The following H4C11 variants were observed in gnomAD, a reference collection of about 807,000 sequenced individuals.
H4C11 encodes the protein H4 clustered histone 11.
A neutral mutation model predicts 4.2 loss-of-function variants in H4C11; 1 was observed. The ratio of observed to expected loss-of-function variants is 0.24; its 90% CI spans 0.09 to 1.14. The LOEUF is 1.14. H4C11 is among the 50% of genes most tolerant of loss of function. The pLI, the probability that H4C11 is intolerant of heterozygous loss-of-function variation, is 0.52. For missense variants in H4C11, 73 were observed against 157.7 expected (o/e 0.46, Z 2.88); for synonymous variants, 95 against 66.9 (o/e 1.42, Z -2.05).
rs182475965 is a variant in H4C11 at position 27,824,217 on chromosome 6, C to T, written c.93C>T (p.Thr31=). The change falls in exon 1 of 1, where the codon ACC becomes ACT. Residue 31 remains threonine, a synonymous_variant. Transcript: ENST00000355057. ...KVLRDNIQGI[T]KPAIRRLARR... ...TGCGCGACAATATCCAGGGCATCAC[C>T]AAGCCGGCCATCCGGCGCCTTGCTC... The T allele has an allele frequency of 1.3e-6, 2 of 1,560,786 alleles. No individual in the cohort carries two copies. The highest frequency in any genetic ancestry group is 4.5e-5 in the East Asian group (2 of 44,292).
In H4C11 at chr6:27,824,136, CGGCAAAGGCGGGAAGGGTCTT is replaced by C; in HGVS notation, c.24_44del (p.Lys9_Gly15del). 2.6e-6 allele frequency: 4 copies of C among 1,538,436 alleles called. No individual in the cohort carries two copies. The highest frequency in any genetic ancestry group is 1.8e-6 in the Non-Finnish European group (2 of 1,142,466). On this transcript the variant is annotated inframe_deletion, in exon 1 of 1. Transcript: ENST00000355057. Reference sequence around the variant, plus strand: ...TCCTCTTGCTCGTCATGTCTGGCCGCGGCAAAGGCGGGAAGGGTCTTGGCAAAGGCGGCGCTAAGCGCCACC... The same window carrying C: ...TCCTCTTGCTCGTCATGTCTGGCCGCGGCAAAGGCGGCGCTAAGCGCCACC...
chr6:27,824,295 G>A lies in H4C11; in HGVS notation c.171G>A (p.Gly57=), dbSNP rs780788014. ...ISGLIYEETR[G]VLKVFLENVI... is the part of the protein sequence containing the mutation. Reference sequence around the variant, plus strand: ...GCCTCATCTACGAGGAGACTCGCGGGGTGCTGAAGGTGTTCCTGGAGAACG... The same window carrying A: ...GCCTCATCTACGAGGAGACTCGCGGAGTGCTGAAGGTGTTCCTGGAGAACG... Residue 57 remains glycine (G), a synonymous_variant, in exon 1 of 1, where the codon GGG becomes GGA. Coordinates refer to ENST00000355057, the MANE Select transcript of H4C11 (RefSeq NM_021968.4). 3 of 1,590,138 alleles carry A rather than the reference G, an allele frequency of 1.9e-6. No homozygotes were observed. The highest frequency in any genetic ancestry group is 1.8e-5 in the Admixed American group (1 of 56,076).
rs1378206046 is a variant in H4C11 at position 27,824,168 on chromosome 6, G to T, written c.44G>T (p.Gly15Val). Reference protein sequence around the residue: ...GKGGKGLGKGGAKRHRKVLRD... With the variant: ...GKGGKGLGKGVAKRHRKVLRD... The stretch of plus-strand genomic sequence containing the variant: ...GGCGGGAAGGGTCTTGGCAAAGGCG[G>T]CGCTAAGCGCCACCGTAAAGTACTG... The change falls in exon 1 of 1, where the codon GGC (glycine) becomes GTC (valine). Residue 15 changes from glycine to valine, a missense_variant. Around this residue, in one of 4 missense-constraint regions of H4C11, gnomAD observed 20 missense variants for 19.9 expected, o/e 1.00. Coordinates refer to ENST00000355057, the MANE Select transcript of H4C11 (RefSeq NM_021968.4). The T allele has an allele frequency of 3.3e-6, 5 of 1,520,276 alleles. No homozygotes were observed. The South Asian group carries it at 6.7e-5, about 20-fold the overall frequency. The allele number at this position is 1,520,276 out of a possible 1,614,324, so 94.2% of individuals were successfully genotyped here. A position where few individuals can be genotyped will look rare whatever the true frequency, so the allele number is the denominator to read the frequency against.
Position 27,824,392 on chromosome 6 carries a change from G to C in H4C11, c.268G>C (p.Ala90Pro). The part of the protein sequence containing the change: ...KTVTAMDVVY[A>P]LKRQGRTLYG... ...GGTCACCGCCATGGATGTGGTCTAC[G>C]CGCTCAAGCGCCAGGGCCGCACCCT... Residue 90 changes from alanine to proline, a missense_variant, in exon 1 of 1, where the codon GCG becomes CCG. Physicochemically the swap from Ala to Pro is conservative, Grantham distance 27. This residue lies in a region of H4C11 where 40 missense variants were observed against 78.3 expected (regional missense o/e 0.51). Transcript: ENST00000355057. The C allele has an allele frequency of 6.4e-7, 1 of 1,558,082 alleles. No individual in the cohort carries two copies. Among genetic ancestry groups the C allele is most frequent in the Non-Finnish European group, 8.6e-7 (1 of 1,159,668 alleles).
exon 1 of H4C11, chr6:27,824,472 GCCACCCTACTTT>G (rs1760804425): frequency 1.9e-6 from 3 of 1,599,642 alleles, no homozygotes; most frequent in African/African-American, 1.3e-5. Flanking sequence ...CCTTTTCAGG[GCCACCCTACTTT>G]CTCAGCTGAA....
rs200142548 is a variant in H4C11, at chr6:27,824,469, A to G, written c.*33A>G. The G allele has an allele frequency of 1.8e-4, 281 of 1,601,890 alleles. 1 individual carries two copies. The African/African-American group carries it at 3.5e-3, about 20-fold the overall frequency. On this transcript the variant is annotated 3_prime_UTR_variant, in exon 1 of 1. Transcript: ENST00000355057. ...TTTCTATCAATAAAAGGCCCTTTTC[A>G]GGGCCACCCTACTTTCTCAGCTGAA...
rs528923683 is a variant in H4C11 at position 27,824,166 on chromosome 6, C to T, written c.42C>T (p.Gly14=). ...RGKGGKGLGK[G]GAKRHRKVLR... ...AAGGCGGGAAGGGTCTTGGCAAAGG[C>T]GGCGCTAAGCGCCACCGTAAAGTAC... is the stretch of plus-strand genomic sequence containing the variant. The change falls in exon 1 of 1, where the codon GGC becomes GGT. Residue 14 remains glycine, a synonymous_variant. Coordinates refer to ENST00000355057, the MANE Select transcript of H4C11 (RefSeq NM_021968.4). 74 of 1,519,632 alleles carry T rather than the reference C, an allele frequency of 4.9e-5. No individual in the cohort carries two copies. The highest frequency in any genetic ancestry group is 4.5e-5 in the East Asian group (2 of 44,124). The allele number at this position is 1,519,632 out of a possible 1,614,324, so 94.1% of individuals were successfully genotyped here.
rs1760790804 is a variant in H4C11, at chr6:27,824,138, G to A, written c.14G>A (p.Gly5Asp). MSGR[G>D]KGGKGLGKGG... ...CTCTTGCTCGTCATGTCTGGCCGCG[G>A]CAAAGGCGGGAAGGGTCTTGGCAAA... Residue 5 changes from glycine (G) to aspartate (D), a missense_variant, in exon 1 of 1, where the codon GGC (glycine) becomes GAC (aspartate). By Grantham distance (94) the Gly-to-Asp change is moderately conservative (BLOSUM62 -1). This residue lies in a region of H4C11 where 20 missense variants were observed against 19.9 expected (regional missense o/e 1.00). Transcript: ENST00000355057. The A allele has an allele frequency of 1.3e-6, 2 of 1,537,530 alleles. No homozygotes were observed. The highest frequency in any genetic ancestry group is 1.8e-6 in the Non-Finnish European group (2 of 1,142,288).
chr6:27,824,281 G>C lies in H4C11; in HGVS notation c.157G>C (p.Glu53Gln). ...GVKRISGLIY[E>Q]ETRGVLKVFL... Reference sequence around the variant, plus strand: ...GAAGCGCATCTCCGGCCTCATCTACGAGGAGACTCGCGGGGTGCTGAAGGT... The same window carrying C: ...GAAGCGCATCTCCGGCCTCATCTACCAGGAGACTCGCGGGGTGCTGAAGGT... Residue 53 changes from glutamate (E) to glutamine (Q), a missense_variant, in exon 1 of 1, where the codon GAG (glutamate) becomes CAG (glutamine). Around this residue, in one of 4 missense-constraint regions of H4C11, gnomAD observed 40 missense variants for 78.3 expected, o/e 0.51. Transcript: ENST00000355057. The C allele has an allele frequency of 6.3e-7, 1 of 1,589,414 alleles. No homozygotes were observed. Among genetic ancestry groups the C allele is most frequent in the Non-Finnish European group, 8.6e-7 (1 of 1,166,602 alleles).
At position 27,824,133 on chromosome 6, in the gene H4C11, C is replaced by A. The variant is rs532924015; in HGVS notation, c.9C>A (p.Gly3=). The A allele has an allele frequency of 1.4e-5, 22 of 1,540,244 alleles. No homozygotes were observed. The highest frequency in any genetic ancestry group is 1.9e-5 in the Non-Finnish European group (22 of 1,143,164). The change falls in exon 1 of 1, where the codon GGC becomes GGA. Residue 3 remains glycine, a synonymous_variant. Coordinates refer to ENST00000355057, the MANE Select transcript of H4C11 (RefSeq NM_021968.4). The part of the protein sequence containing the change: MS[G]RGKGGKGLGK... ...GACTCCTCTTGCTCGTCATGTCTGG[C>A]CGCGGCAAAGGCGGGAAGGGTCTTG...
chr6:27,824,439 G>T lies in H4C11; in HGVS notation c.*3G>T. ...CCCTCTACGGTTTCGGTGGTTGAGC[G>T]TCCCTTTCTATCAATAAAAGGCCCT... is the stretch of plus-strand genomic sequence containing the variant. On this transcript the variant is annotated 3_prime_UTR_variant, in exon 1 of 1. Transcript: ENST00000355057. 6.2e-7 allele frequency: 1 copy of T among 1,606,442 alleles called. No homozygotes were observed. Among genetic ancestry groups the T allele is most frequent in the Non-Finnish European group, 8.5e-7 (1 of 1,177,392 alleles).
chr6:27,824,455 A>T lies in H4C11; in HGVS notation c.*19A>T. ...TGGTTGAGCGTCCCTTTCTATCAAT[A>T]AAAGGCCCTTTTCAGGGCCACCCTA... On this transcript the variant is annotated 3_prime_UTR_variant, in exon 1 of 1. Transcript: ENST00000355057. 1.2e-6 allele frequency: 2 copies of T among 1,607,830 alleles called. No homozygotes were observed. The highest frequency in any genetic ancestry group is 1.7e-6 in the Non-Finnish European group (2 of 1,177,638).
In H4C11 at chr6:27,824,124, C is replaced by G. The variant is rs766209909; in HGVS notation, c.-1C>G. The G allele has an allele frequency of 1.2e-5, 19 of 1,543,012 alleles. No individual in the cohort carries two copies. The highest frequency in any genetic ancestry group is 1.7e-5 in the Non-Finnish European group (19 of 1,143,788). On this transcript the variant is annotated 5_prime_UTR_variant, in exon 1 of 1. Transcript: ENST00000355057. The stretch of plus-strand genomic sequence containing the variant: ...GTTGGGTGAGACTCCTCTTGCTCGT[C>G]ATGTCTGGCCGCGGCAAAGGCGGGA...
Position 27,824,448 on chromosome 6 carries a change from T to A in H4C11, c.*12T>A. On this transcript the variant is annotated 3_prime_UTR_variant, in exon 1 of 1. Transcript: ENST00000355057. ...GTTTCGGTGGTTGAGCGTCCCTTTC[T>A]ATCAATAAAAGGCCCTTTTCAGGGC... The A allele has an allele frequency of 6.2e-7, 1 of 1,607,066 alleles. No homozygotes were observed. The highest frequency in any genetic ancestry group is 8.5e-7 in the Non-Finnish European group (1 of 1,177,440).
At position 27,824,288 on chromosome 6, in the gene H4C11, C is replaced by T. The variant is rs1241507086; in HGVS notation, c.164C>T (p.Thr55Ile). ...ATCTCCGGCCTCATCTACGAGGAGACTCGCGGGGTGCTGAAGGTGTTCCTG... is the reference window on the plus strand; with the variant it reads ...ATCTCCGGCCTCATCTACGAGGAGATTCGCGGGGTGCTGAAGGTGTTCCTG... ...KRISGLIYEETRGVLKVFLEN... is the reference protein window; with the variant it reads ...KRISGLIYEEIRGVLKVFLEN... Residue 55 changes from threonine (T) to isoleucine (I), a missense_variant, in exon 1 of 1, where the codon ACT becomes ATT. Physicochemically the swap from Thr to Ile is moderately conservative, Grantham distance 89 (BLOSUM62 -1). Transcript: ENST00000355057. 2.5e-6 allele frequency: 4 copies of T among 1,590,676 alleles called. No individual in the cohort carries two copies. The highest frequency in any genetic ancestry group is 3.4e-6 in the Non-Finnish European group (4 of 1,167,174).
Position 27,824,226 on chromosome 6 carries a change from C to A in H4C11, c.102C>A (p.Ala34=). The A allele has an allele frequency of 1.3e-6, 2 of 1,566,690 alleles. No individual in the cohort carries two copies. Among genetic ancestry groups the A allele is most frequent in the Non-Finnish European group, 1.7e-6 (2 of 1,156,270 alleles). The change falls in exon 1 of 1, where the codon GCC becomes GCA. Residue 34 remains alanine (A), a synonymous_variant. Coordinates refer to ENST00000355057, the MANE Select transcript of H4C11 (RefSeq NM_021968.4). ...ATATCCAGGGCATCACCAAGCCGGC[C>A]ATCCGGCGCCTTGCTCGCCGCGGCG... ...RDNIQGITKP[A]IRRLARRGGV...
chr6:27,824,477 C>CCTACTTTCTCAGCTGAA (rs2113887577), exon 1 of H4C11: 1 of 1,595,816 alleles, frequency 6.3e-7, no homozygotes, highest in African/African-American at 1.3e-5. Flanking sequence ...TCAGGGCCAC[C>CCTACTTTCTCAGCTGAA]CTACTTTCTC....
rs1238540273 is a variant in H4C11, at chr6:27,824,280, C to T, written c.156C>T (p.Tyr52=). ...TGAAGCGCATCTCCGGCCTCATCTA[C>T]GAGGAGACTCGCGGGGTGCTGAAGG... ...GGVKRISGLI[Y]EETRGVLKVF... is the part of the protein sequence containing the mutation. Residue 52 remains tyrosine (Y), a synonymous_variant, in exon 1 of 1, where the codon TAC becomes TAT. Transcript: ENST00000355057. 5.7e-6 allele frequency: 9 copies of T among 1,588,930 alleles called. No individual in the cohort carries two copies. Among genetic ancestry groups the T allele is most frequent in the East Asian group, 2.2e-5 (1 of 44,496 alleles).
In H4C11 at chr6:27,824,374, G is replaced by A. The variant is rs377187343; in HGVS notation, c.250G>A (p.Ala84Thr). 9 of 1,549,066 alleles carry A rather than the reference G, an allele frequency of 5.8e-6. No homozygotes were observed. The highest frequency in any genetic ancestry group is 7.8e-6 in the Non-Finnish European group (9 of 1,155,466). ...TEHAKRKTVTAMDVVYALKRQ... is the reference protein window; with the variant it reads ...TEHAKRKTVTTMDVVYALKRQ... ...GCACGCCAAGCGCAAGACGGTCACC[G>A]CCATGGATGTGGTCTACGCGCTCAA... The change falls in exon 1 of 1, where the codon GCC becomes ACC. Residue 84 changes from alanine to threonine, a missense_variant. Ala to Thr is a moderately conservative substitution (Grantham distance 58). Coordinates refer to ENST00000355057, the MANE Select transcript of H4C11 (RefSeq NM_021968.4).
Sources: gnomAD v4.1 joint callset for allele counts on GRCh38, gnomAD v4.1.1 for gene constraint, gnomAD v4.1.1 regional missense constraint, MANE v1.5 for transcripts, NCBI Gene and HGNC (gene_info 2026-07-23, HGNC 2026-07-21) for gene names.